DPYD: variants seen among roughly 807,000 people sequenced by gnomAD.
DPYD encodes dihydropyrimidine dehydrogenase, also known as dihydropyrimidine dehydrogenase [NADP(+)].
A neutral mutation model predicts 116.2 loss-of-function variants in DPYD; 109 were observed. The ratio of observed to expected loss-of-function variants is 0.94; its 90% CI spans 0.80 to 1.10. The LOEUF is 1.10. Ranked by LOEUF, DPYD falls within the 50% of genes least tolerant of loss-of-function variation. The probability of loss-of-function intolerance (pLI) is 0.00; values close to 1 mark genes in which losing one functional copy is unlikely to be tolerated. For missense variants in DPYD, 1,302 were observed against 1,254.5 expected (o/e 1.04, Z -0.57); for synonymous variants, 440 against 432.0 (o/e 1.02, Z -0.23).
chr1:97,794,982 G>C (rs1001297450), intron 3 of DPYD, among the ~76,000 whole-genome samples: 2 of 152,068 alleles, frequency 1.3e-5, no homozygotes, highest in African/African-American at 2.4e-5. Context: ...AATCTTGTTT[G>C]TTCTAGTATC....
At chr1:97,881,329 C>G (rs892991904) in intron 2 of DPYD, among the ~76,000 whole-genome samples, 9 of 151,920 alleles carry the variant, frequency 5.9e-5, no homozygotes, top group African/African-American at 2.2e-4. Context: ...GGAGAGAGGT[C>G]TTGGAAGAAA....
intron 14 of DPYD, among the ~76,000 whole-genome samples, chr1:97,438,835 T>C (rs1354092413): frequency 6.6e-6 from 1 of 152,146 alleles, no homozygotes; most frequent in Non-Finnish European, 1.5e-5. Context: ...AATCAAATTG[T>C]ATATAAAGAC....
intron 3 of DPYD, among the ~76,000 whole-genome samples, chr1:97,806,657 T>C (rs1668091866): frequency 6.6e-6 from 1 of 151,890 alleles, no homozygotes; most frequent in African/African-American, 2.4e-5. Flanking sequence ...GAACTAACAT[T>C]GACACATCAT....
intron 13 of DPYD, among the ~76,000 whole-genome samples, chr1:97,459,474 A>G (rs1676896873): frequency 6.6e-6 from 1 of 152,138 alleles, no homozygotes; most frequent in East Asian, 1.9e-4. Flanking sequence ...TAAAGAATTG[A>G]TATCTAGATA....
intron 3 of DPYD, among the ~76,000 whole-genome samples, chr1:97,785,063 C>A (rs1225618220): frequency 6.6e-6 from 1 of 152,010 alleles, no homozygotes; most frequent in Non-Finnish European, 1.5e-5. Flanking sequence ...TCTTTGCTGT[C>A]TAATGAAAAT....
intron 8 of DPYD, among the ~76,000 whole-genome samples, chr1:97,676,196 C>A (rs991802990): frequency 6.6e-6 from 1 of 152,134 alleles, no homozygotes; most frequent in African/African-American, 2.4e-5. Context: ...TCATTTCTAT[C>A]CTCTCTCAAT....
intron 13 of DPYD, among the ~76,000 whole-genome samples, chr1:97,504,829 C>T (rs992967322): frequency 7.0e-6 from 1 of 143,358 alleles, no homozygotes; most frequent in Admixed American, 7.3e-5. Context: ...AGCAGGTTCC[C>T]TTTGCAGGGC....
intron 13 of DPYD, among the ~76,000 whole-genome samples, chr1:97,491,290 T>C (rs75028638): frequency 0.011 from 1,724 of 150,744 alleles, 15 homozygotes; most frequent in Middle Eastern, 0.018. Flanking sequence ...CATAGATTTG[T>C]TGCAGAGGTT....
intron 18 of DPYD, among the ~76,000 whole-genome samples, chr1:97,259,445 G>C (rs1663725780): frequency 6.6e-6 from 1 of 151,968 alleles, no homozygotes; most frequent in Non-Finnish European, 1.5e-5. Context: ...GTGATCAATA[G>C]CTCATTGCAG....
intron 13 of DPYD, among the ~76,000 whole-genome samples, chr1:97,465,449 A>T (rs1003959339): frequency 6.6e-6 from 1 of 152,108 alleles, no homozygotes; most frequent in Non-Finnish European, 1.5e-5. Context: ...TCTCCACCCA[A>T]ATCTCATCTT....
intron 3 of DPYD, among the ~76,000 whole-genome samples, chr1:97,783,367 G>GTTATT (rs1378460237): frequency 1.7e-4 from 26 of 151,892 alleles, no homozygotes; most frequent in Non-Finnish European, 3.1e-4. Flanking sequence ...ATACAGCTTT[G>GTTATT]TTATTTTATT....
intron 3 of DPYD, among the ~76,000 whole-genome samples, chr1:97,786,414 A>AT (rs928431340): frequency 6.6e-6 from 1 of 152,060 alleles, no homozygotes; most frequent in Non-Finnish European, 1.5e-5. Flanking sequence ...CTTACAAATG[A>AT]TTTTTTTTAA....
At position 97,415,548 on chromosome 1, in the gene DPYD, C is replaced by T. The variant is rs1674245465; in HGVS notation, c.1906-33087G>A. On this transcript the variant is annotated intron_variant, in intron 14 of 22. Coordinates refer to ENST00000370192, the MANE Select transcript of DPYD (RefSeq NM_000110.4). Reference sequence around the variant, plus strand: ...TGTTGGCCAGGTTGGTCTCAAACTCCTGACCCCAAGTGATCTGCTCACCTT... The same window carrying T: ...TGTTGGCCAGGTTGGTCTCAAACTCTTGACCCCAAGTGATCTGCTCACCTT... Among the ~76,000 whole-genome samples the T allele has an allele frequency of 2.0e-5, 3 of 152,268 alleles. No homozygotes were observed. The South Asian group carries it at 6.2e-4, about 32-fold the overall frequency.
At chr1:97,473,906 G>T (rs867167074) in intron 13 of DPYD, among the ~76,000 whole-genome samples, 1 of 151,816 alleles carries the variant, frequency 6.6e-6, no homozygotes, top group Non-Finnish European at 1.5e-5. Flanking sequence ...CAGCTACTTG[G>T]GAGGCTGAGG....
intron 18 of DPYD, among the ~76,000 whole-genome samples, chr1:97,287,038 T>C (rs1221261409): frequency 9.9e-5 from 15 of 152,200 alleles, no homozygotes; most frequent in Non-Finnish European, 2.9e-5. Flanking sequence ...GTTTTTTCCT[T>C]TTCCCCATCT....
chr1:97,092,076 C>A (rs1649933543), intron 21 of DPYD, among the ~76,000 whole-genome samples: 1 of 152,098 alleles, frequency 6.6e-6, no homozygotes, highest in South Asian at 2.1e-4. Context: ...GGCAGGTGTT[C>A]CCTGGCCAGT....
At chr1:97,818,070 T>A (rs1317368233) in intron 3 of DPYD, among the ~76,000 whole-genome samples, 1 of 152,010 alleles carries the variant, frequency 6.6e-6, no homozygotes, top group Non-Finnish European at 1.5e-5. Flanking sequence ...AAATGCAGTT[T>A]TTTCCTGACC....
chr1:97,796,455 T>C (rs1243236677), intron 3 of DPYD, among the ~76,000 whole-genome samples: 2 of 152,142 alleles, frequency 1.3e-5, no homozygotes, highest in African/African-American at 4.8e-5. Context: ...ACTGTTTTAG[T>C]CCTTTATATC....
At chr1:97,216,869 C>T (rs931458138) in intron 19 of DPYD, among the ~76,000 whole-genome samples, 1 of 152,050 alleles carries the variant, frequency 6.6e-6, no homozygotes, top group Admixed American at 6.5e-5. Context: ...CACATCTTCA[C>T]AGCATACTTT....
Sources: allele counts gnomAD v4.1 joint callset (sites outside exome capture counted in the v4.1 genomes callset), GRCh38; gene constraint gnomAD v4.1.1; transcripts MANE v1.5; gene names NCBI Gene and HGNC (gene_info 2026-07-23, HGNC 2026-07-21).